STOX2: variants seen among roughly 807,000 people sequenced by gnomAD.
STOX2 encodes the protein storkhead-box protein 2.
A neutral mutation model predicts 60.9 loss-of-function variants in STOX2; 28 were observed. The observed-to-expected ratio is 0.46, with a 90% confidence interval of 0.34 to 0.63. The LOEUF (loss-of-function observed/expected upper bound fraction) is 0.63, where lower values mean the gene tolerates loss of function less well. Among genes scored for constraint, STOX2 ranks in the 30% least tolerant of loss-of-function variants. The probability of loss-of-function intolerance (pLI) is 0.01; values close to 1 mark genes in which losing one functional copy is unlikely to be tolerated. For synonymous variants in STOX2, 472 were observed against 463.9 expected, an observed-to-expected ratio of 1.02 and a Z score of -0.22; for missense variants, 1,024 against 1,187.7, an observed-to-expected ratio of 0.86 and a Z score of 2.03.
intron 1 of STOX2, among the ~76,000 whole-genome samples, chr4:183,925,162 G>T (rs1742204918): frequency 6.6e-6 from 1 of 152,142 alleles, no homozygotes; most frequent in Non-Finnish European, 1.5e-5. Flanking sequence ...TCCTTTGGGG[G>T]TTTGTTCCTA....
chr4:184,010,767 C>T lies in STOX2; in HGVS notation c.1929C>T (p.Val643=), dbSNP rs1734118903. 2 of 1,581,202 alleles carry T rather than the reference C, an allele frequency of 1.3e-6. No homozygotes were observed. Among genetic ancestry groups the T allele is most frequent in the African/African-American group, 1.4e-5 (1 of 73,946 alleles). Residue 643 remains valine (V), a synonymous_variant, in exon 3 of 4, where the codon GTC becomes GTT. Transcript: ENST00000308497. This position sits in a 1 kb window ranked among gnomAD's most constrained non-coding sequence, Gnocchi z 4.5. ...VKKLSPSDRQ[V]PHSSREPVGH... ...AGCTCTCCCCTTCTGATAGGCAGGT[C>T]CCCCACTCCTCCAGGGAGCCTGTGG...
chr4:184,013,940 C>A (rs1350459595), intron 3 of STOX2: 5 of 152,100 alleles, frequency 3.3e-5, no homozygotes, highest in Admixed American at 2.0e-4. Context: ...GTGTGTGAAA[C>A]CACACCTGGT....
At chr4:183,948,230 A>AC (rs1553980202) in intron 1 of STOX2, among the ~76,000 whole-genome samples, 1 of 150,588 alleles carries the variant, frequency 6.6e-6, no homozygotes, top group East Asian at 1.9e-4. Context: ...AAAAAAAAAA[A>AC]AAAAAAAAAA....
intron 1 of STOX2, among the ~76,000 whole-genome samples, chr4:183,809,198 C>T (rs1417083906): frequency 6.6e-6 from 1 of 152,142 alleles, no homozygotes; most frequent in Non-Finnish European, 1.5e-5. Context: ...CCTTCCGCTT[C>T]AGCCTCCCAA....
intron 1 of STOX2, chr4:183,987,805 A>C (rs1180847977): frequency 1.3e-5 from 2 of 152,240 alleles, no homozygotes; most frequent in Non-Finnish European, 2.9e-5. Context: ...CACTGCAGCT[A>C]AACTTTGATA....
intron 1 of STOX2, among the ~76,000 whole-genome samples, chr4:183,831,739 G>A (rs983245995): frequency 3.3e-5 from 5 of 151,832 alleles, no homozygotes; most frequent in African/African-American, 9.7e-5. Flanking sequence ...TGTACCCCAC[G>A]GATATAGACA....
intron 1 of STOX2, among the ~76,000 whole-genome samples, chr4:183,944,166 A>T (rs1478926474): frequency 6.6e-6 from 1 of 152,248 alleles, no homozygotes; most frequent in African/African-American, 2.4e-5. Flanking sequence ...AAGTCAGGGT[A>T]AAATAGTAGT....
chr4:183,848,874 G>A (rs1004037600), intron 1 of STOX2, among the ~76,000 whole-genome samples: 11 of 152,242 alleles, frequency 7.2e-5, no homozygotes, highest in Non-Finnish European at 1.2e-4. Context: ...ACAGGAGCCC[G>A]AAGTCCATGT....
chr4:183,859,603 C>T (rs1001097274), intron 1 of STOX2, among the ~76,000 whole-genome samples: 5 of 152,232 alleles, frequency 3.3e-5, no homozygotes, highest in Non-Finnish European at 5.9e-5. Context: ...GGAGCCATCT[C>T]CACCCACCCA....
intron 1 of STOX2, among the ~76,000 whole-genome samples, chr4:183,883,938 G>A (rs542326125): frequency 1.3e-5 from 2 of 150,820 alleles, no homozygotes. Context: ...TGCAACCTCC[G>A]CCTCCTGGGT....
At chr4:183,814,184 T>C (rs978594186) in intron 1 of STOX2, among the ~76,000 whole-genome samples, 2 of 152,162 alleles carry the variant, frequency 1.3e-5, no homozygotes, top group African/African-American at 4.8e-5. Flanking sequence ...TTATATTGGA[T>C]GGAATAGTAT....
intron 1 of STOX2, among the ~76,000 whole-genome samples, chr4:183,843,158 A>AAAAAAG (rs1553967452): frequency 2.9e-4 from 43 of 150,704 alleles, no homozygotes; most frequent in African/African-American, 8.2e-4. Context: ...AAAAAAAAAA[A>AAAAAAG]AAAAAGAAAA....
intron 1 of STOX2, among the ~76,000 whole-genome samples, chr4:183,857,803 A>C (rs1470098067): frequency 6.6e-6 from 1 of 151,976 alleles, no homozygotes; most frequent in African/African-American, 2.4e-5. Flanking sequence ...GTTTGCATCG[A>C]TGCTGTTGGC....
At chr4:183,857,115 A>T (rs932532081) in intron 1 of STOX2, among the ~76,000 whole-genome samples, 5 of 152,134 alleles carry the variant, frequency 3.3e-5, no homozygotes, top group African/African-American at 9.7e-5. Context: ...GTTGTCCCAC[A>T]GGACTGGTCA....
chr4:184,005,318 G>A, intron 2 of STOX2, among the ~76,000 whole-genome samples: 1 of 151,944 alleles, frequency 6.6e-6, no homozygotes, highest in East Asian at 1.9e-4. Flanking sequence ...AAAATTAGCT[G>A]GGCGTGTGGC....
rs1368910578 is a variant in STOX2 at position 184,011,699 on chromosome 4, A to C, written c.2585+276A>C. On this transcript the variant is annotated intron_variant, in intron 3 of 3. Transcript: ENST00000308497. The surrounding 1 kb of genome is among the most constrained non-coding windows in gnomAD (Gnocchi z 4.4). ...TCTAACTAAAACCAATATTTCCAGT[A>C]TTTTTTCTGCTACGTTCATATTGCC... 1 of 1,249,632 alleles carries C rather than the reference A, an allele frequency of 8.0e-7. No individual in the cohort carries two copies. Among genetic ancestry groups the C allele is most frequent in the Non-Finnish European group, 1.0e-6 (1 of 955,578 alleles). 77.4% of individuals were successfully genotyped at this position (1,249,632 alleles called of 1,614,324 possible). A position where few individuals can be genotyped will look rare whatever the true frequency, so the allele number is the denominator to read the frequency against.
intron 1 of STOX2, among the ~76,000 whole-genome samples, chr4:183,895,660 T>C (rs970038218): frequency 1.3e-5 from 2 of 152,246 alleles, no homozygotes; most frequent in African/African-American, 2.4e-5. Flanking sequence ...ATTTTGTTTT[T>C]GTTGCTATTT....
At chr4:183,951,089 G>A (rs551499045) in intron 1 of STOX2, among the ~76,000 whole-genome samples, 133 of 151,828 alleles carry the variant, frequency 8.8e-4, no homozygotes, top group African/African-American at 2.7e-3. Flanking sequence ...GGTGGCGGGC[G>A]CCTGTAGTCC....
chr4:183,824,191 A>G (rs116575608), intron 1 of STOX2, among the ~76,000 whole-genome samples: 2,092 of 152,328 alleles, frequency 0.014, 36 homozygotes, highest in African/African-American at 0.047. Context: ...AAAACAATGT[A>G]ATAATAAATT....
Sources: gnomAD v4.1 joint callset for allele counts (sites outside exome capture counted in the v4.1 genomes callset) on GRCh38, gnomAD v4.1.1 for gene constraint, Gnocchi (gnomAD v3.1) non-coding constraint, MANE v1.5 for transcripts, NCBI Gene and HGNC (gene_info 2026-07-23, HGNC 2026-07-21) for gene names.